The following PCDHA6 variants were observed in gnomAD, a reference collection of about 807,000 sequenced individuals.
PCDHA6 encodes protocadherin alpha-6.
In PCDHA6, 55 loss-of-function variants were observed where a neutral mutation model predicts 60.3. That is an observed-to-expected ratio of 0.91 (90% CI 0.73 to 1.14). PCDHA6 has a LOEUF of 1.14. Ranked by LOEUF, PCDHA6 falls within the 50% of genes most tolerant of loss-of-function variation. The probability of loss-of-function intolerance (pLI) is 0.00; values close to 1 mark genes in which losing one functional copy is unlikely to be tolerated. For synonymous variants in PCDHA6, 652 were observed against 557.9 expected, an observed-to-expected ratio of 1.17 and a Z score of -2.38; for missense variants, 1,327 against 1,256.5, an observed-to-expected ratio of 1.06 and a Z score of -0.85.
At chr5:140,891,432 C>T (rs183679) in intron 1 of PCDHA6, among the ~76,000 whole-genome samples, 69,006 of 149,136 alleles carry the variant, frequency 0.46, 16,159 homozygotes, top group South Asian at 0.58. Context: ...AAGTCCCCAA[C>T]GTCCATTGTA....
At chr5:140,836,174 T>A in intron 1 of PCDHA6, 3 of 1,613,798 alleles carry the variant, frequency 1.9e-6, no homozygotes, top group Non-Finnish European at 2.5e-6. Context: ...TACGTGCAGT[T>A]GACGCTGACT....
intron 1 of PCDHA6, chr5:140,883,224 C>T (rs782659730): frequency 1.2e-6 from 2 of 1,613,946 alleles, no homozygotes; most frequent in Non-Finnish European, 1.7e-6. Flanking sequence ...TATGAAATAT[C>T]CGTGGAGGCA....
Position 140,835,448 on chromosome 5 carries a change from G to T in PCDHA6, c.2394+4963G>T, listed in dbSNP as rs2150235921. On this transcript the variant is annotated intron_variant, in intron 1 of 3. Transcript: ENST00000529310. The stretch of plus-strand genomic sequence containing the variant: ...CTCCACAGTTGACTCTCACTTCCCT[G>T]TCTCTCCCTATTCCAGAGGACGCCC... 11 of 1,613,768 alleles carry T rather than the reference G, an allele frequency of 6.8e-6. No homozygotes were observed. The South Asian group carries it at 1.2e-4, about 18-fold the overall frequency.
At chr5:140,895,922 T>G (rs1301725770) in intron 1 of PCDHA6, among the ~76,000 whole-genome samples, 1 of 152,190 alleles carries the variant, frequency 6.6e-6, no homozygotes, top group African/African-American at 2.4e-5. Context: ...ACAATTATCC[T>G]GCCTCAGCCT....
chr5:140,843,136 G>C, intron 1 of PCDHA6: 1 of 1,596,026 alleles, frequency 6.3e-7, no homozygotes, highest in South Asian at 1.1e-5. Context: ...GCTACAACGC[G>C]TGGCTTTCGT....
In PCDHA6 at chr5:140,843,731, T is replaced by C. The variant is rs1331325301; in HGVS notation, c.2394+13246T>C. 3.9e-6 allele frequency: 6 copies of C among 1,551,218 alleles called. 1 individual carries two copies. The highest frequency in any genetic ancestry group is 5.3e-6 in the Non-Finnish European group (6 of 1,131,064). On this transcript the variant is annotated intron_variant, in intron 1 of 3. Transcript: ENST00000529310. ...TGGCCTCAAAGTAAGTCCATTTAAA[T>C]TTAGAACTCATAAATTCTATTTGTG...
intron 1 of PCDHA6, chr5:140,858,279 G>A: frequency 2.5e-6 from 4 of 1,597,396 alleles, no homozygotes; most frequent in South Asian, 1.1e-5. Flanking sequence ...AGCGCGGTGG[G>A]GAGCTGGTCT....
At chr5:140,883,280 G>T (rs2059527753) in intron 1 of PCDHA6, 1 of 1,613,990 alleles carries the variant, frequency 6.2e-7, no homozygotes, top group Non-Finnish European at 8.5e-7. Flanking sequence ...TACCCTTTTG[G>T]TGGAAGTACT....
At chr5:140,860,557 G>C (rs146943384) in intron 1 of PCDHA6, 1 of 152,036 alleles carries the variant, frequency 6.6e-6, no homozygotes, top group African/African-American at 2.4e-5. Context: ...CTTTGAAGAG[G>C]TACTGATCAT....
intron 1 of PCDHA6, chr5:140,883,468 C>A: frequency 6.2e-7 from 1 of 1,614,164 alleles, no homozygotes; most frequent in South Asian, 1.1e-5. Context: ...TGGTGTCCAC[C>A]TACAAGAACT....
chr5:140,877,153 A>T (rs2056892429), intron 1 of PCDHA6: 2 of 1,613,798 alleles, frequency 1.2e-6, no homozygotes, highest in Non-Finnish European at 1.7e-6. Flanking sequence ...CGAGAACGAC[A>T]ACGCGCCGGC....
At position 140,835,614 on chromosome 5, in the gene PCDHA6, A is replaced by C. The variant is rs2150239494; in HGVS notation, c.2394+5129A>C. On this transcript the variant is annotated intron_variant, in intron 1 of 3. Transcript: ENST00000529310. ...GAATTACTATTCATTGGTGCTGGAC[A>C]GCGCTCTGGACCGCGAGAGTGTGTC... 7 of 1,613,916 alleles carry C rather than the reference A, an allele frequency of 4.3e-6. No individual in the cohort carries two copies. In the East Asian group the frequency reaches 1.3e-4, roughly 31 times the overall value.
intron 1 of PCDHA6, among the ~76,000 whole-genome samples, chr5:140,972,181 AC>A: frequency 6.6e-6 from 1 of 152,234 alleles, no homozygotes; most frequent in Admixed American, 6.5e-5. Flanking sequence ...TTGGCCTGTC[AC>A]CCAGGCTGGA....
intron 1 of PCDHA6, among the ~76,000 whole-genome samples, chr5:140,952,097 G>A (rs1385693579): frequency 1.3e-5 from 2 of 152,066 alleles, no homozygotes; most frequent in East Asian, 3.9e-4. Context: ...CACATCCAGG[G>A]CACACTCGTG....
chr5:140,950,523 T>C (rs1289314937), intron 1 of PCDHA6, among the ~76,000 whole-genome samples: 2 of 152,094 alleles, frequency 1.3e-5, no homozygotes, highest in African/African-American at 4.8e-5. Flanking sequence ...TGCGATATGA[T>C]TGTTTTTGTT....
At chr5:140,832,391 G>A (rs2150201447) in intron 1 of PCDHA6, among the ~76,000 whole-genome samples, 3 of 152,134 alleles carry the variant, frequency 2.0e-5, no homozygotes, top group East Asian at 1.9e-4. Flanking sequence ...GGCAGAAACT[G>A]GTAGTGGTAT....
rs1212055845 is a variant in PCDHA6 at position 140,857,419 on chromosome 5, C to T, written c.2394+26934C>T. On this transcript the variant is annotated intron_variant, in intron 1 of 3. Coordinates refer to ENST00000529310, the MANE Select transcript of PCDHA6 (RefSeq NM_018909.4). ...ACAACGCGCCTGCGTTCGCGCAGTC[C>T]GAGTACACGGTGTTCGTGAAGGAGA... The T allele has an allele frequency of 3.1e-6, 5 of 1,598,216 alleles. 1 individual carries two copies. The African/African-American group carries it at 6.7e-5, about 22-fold the overall frequency.
chr5:140,884,060 G>T (rs781956914), intron 1 of PCDHA6: 1 of 1,613,430 alleles, frequency 6.2e-7, no homozygotes, highest in African/African-American at 1.3e-5. Flanking sequence ...GCGCGCGGTG[G>T]ACGCCGATTC....
At chr5:140,858,742 T>A in intron 1 of PCDHA6, 1 of 467,252 alleles carries the variant, frequency 2.1e-6, no homozygotes, top group African/African-American at 2.0e-5. Flanking sequence ...ACTTTCATAA[T>A]CACTTTTCGT....
Sources: gnomAD v4.1 joint callset for allele counts (sites outside exome capture counted in the v4.1 genomes callset) on GRCh38, gnomAD v4.1.1 for gene constraint, MANE v1.5 for transcripts, NCBI Gene and HGNC (gene_info 2026-07-23, HGNC 2026-07-21) for gene names.